Variants in ZNF608 observed in about 807,000 individuals in gnomAD.
ZNF608 encodes zinc finger protein 608.
ZNF608 carries 12 observed loss-of-function variants against 109.0 expected under a neutral mutation model. The observed-to-expected ratio is 0.11, with a 90% CI of 0.07 to 0.18. The LOEUF (loss-of-function observed/expected upper bound fraction) is 0.18. ZNF608 is among the 10% of genes least tolerant of loss of function. The pLI is 1.00. For missense variants in ZNF608, 1,707 were observed against 1,879.3 expected, an observed-to-expected ratio of 0.91 and a Z score of 1.70; for synonymous variants, 732 against 717.4, an observed-to-expected ratio of 1.02 and a Z score of -0.33.
At chr5:124,728,414 AT>A in intron 2 of ZNF608, among the ~76,000 whole-genome samples, 1 of 152,186 alleles carries the variant, frequency 6.6e-6, no homozygotes, top group Non-Finnish European at 1.5e-5. Context: ...GGTGGCTGAC[AT>A]TTTGTTTATC....
intron 2 of ZNF608, among the ~76,000 whole-genome samples, chr5:124,730,724 TAG>T (rs1748856843): frequency 1.3e-5 from 2 of 152,214 alleles, no homozygotes; most frequent in South Asian, 4.1e-4. Flanking sequence ...TCCACGTCTG[TAG>T]TATACAGAAC....
chr5:124,720,806 C>CT (rs1302462329), intron 2 of ZNF608, among the ~76,000 whole-genome samples: 4 of 151,744 alleles, frequency 2.6e-5, no homozygotes, highest in Middle Eastern at 3.2e-3. Flanking sequence ...CCTGGGCTGG[C>CT]TTTTTTTTCC....
chr5:124,683,873 G>A (rs1368636590), intron 3 of ZNF608, among the ~76,000 whole-genome samples: 1 of 152,130 alleles, frequency 6.6e-6, no homozygotes, highest in East Asian at 1.9e-4. Flanking sequence ...TAGACCAGGG[G>A]TTCCAAAACC....
At position 124,637,826 on chromosome 5, in the gene ZNF608, C is replaced by T. The variant is rs962297116; in HGVS notation, c.*74G>A. The stretch of plus-strand genomic sequence containing the variant: ...GCCATTAAGGCATTTCAAATTAACA[C>T]CATGGAACTGATGTCTGTATAAAGC... On this transcript the variant is annotated 3_prime_UTR_variant, in exon 10 of 10. Transcript: ENST00000513986. 2.3e-5 allele frequency: 35 copies of T among 1,520,296 alleles called. No homozygotes were observed. Among genetic ancestry groups the T allele is most frequent in the Non-Finnish European group, 3.0e-5 (33 of 1,110,910 alleles). The allele number at this position is 1,520,296 out of a possible 1,614,324, so 94.2% of individuals were successfully genotyped here. A position where few individuals can be genotyped will look rare whatever the true frequency, so the allele number is the denominator to read the frequency against.
In ZNF608 at chr5:124,648,964, G is replaced by A; in HGVS notation, c.1420C>T (p.Leu474Phe). 4 of 1,614,060 alleles carry A rather than the reference G, an allele frequency of 2.5e-6. No homozygotes were observed. The highest frequency in any genetic ancestry group is 3.4e-6 in the Non-Finnish European group (4 of 1,180,004). ...GGTGTCCTTCGTCCGCTGGCATTGA[G>A]GCTGCCCCGCCTCCCTTTCCCATTG... ...GANGKGRRGS[L>F]NASGRRTPPN... is the part of the protein sequence containing the mutation. The change falls in exon 5 of 10, where the codon CTC (leucine) becomes TTC (phenylalanine). Residue 474 changes from leucine to phenylalanine, a missense_variant. Physicochemically the swap from Leu to Phe is conservative, Grantham distance 22. Around this residue, in one of 7 missense-constraint regions of ZNF608, gnomAD observed 166 missense variants for 204.2 expected, o/e 0.81. Transcript: ENST00000513986.
In ZNF608 at chr5:124,677,418, C is replaced by T. The variant is rs112223008; in HGVS notation, c.1162+23596G>A. 9.4e-3 allele frequency among the ~76,000 whole-genome samples: 1,424 copies of T among 152,288 alleles called. 34 individuals carry two copies. The highest frequency in any genetic ancestry group is 0.033 in the African/African-American group (1,359 of 41,538). ...AACTGAACACACAGTCTATGGTGTC[C>T]TGATCTGTTTGACATAGGACACAGC... On this transcript the variant is annotated intron_variant, in intron 3 of 9. Coordinates refer to ENST00000513986, the MANE Select transcript of ZNF608 (RefSeq NM_020747.3).
intron 2 of ZNF608, among the ~76,000 whole-genome samples, chr5:124,740,538 A>C (rs1468547306): frequency 6.6e-6 from 1 of 151,622 alleles, no homozygotes; most frequent in Non-Finnish European, 1.5e-5. Context: ...TAATGTCCAC[A>C]AAACTCATTA....
chr5:124,701,238 G>A lies in ZNF608; in HGVS notation c.938C>T (p.Pro313Leu), dbSNP rs758598122. 3.1e-6 allele frequency: 5 copies of A among 1,614,050 alleles called. No homozygotes were observed. The highest frequency in any genetic ancestry group is 2.7e-5 in the African/African-American group (2 of 74,906). The change falls in exon 3 of 10, where the codon CCA (proline) becomes CTA (leucine). Residue 313 changes from proline (P) to leucine (L), a missense_variant. This residue lies in a region of ZNF608 where 407 missense variants were observed against 398.7 expected (regional missense o/e 1.02). Transcript: ENST00000513986. ...CGTGAGACTGCTGGAAATCGGCGGT[G>A]GTGGCGCTGGCACTGTAAACAGGGG... ...VDPLFTVPAP[P>L]PPISSSLTPQ...
chr5:124,692,315 A>G (rs1752657398), intron 3 of ZNF608, among the ~76,000 whole-genome samples: 1 of 152,250 alleles, frequency 6.6e-6, no homozygotes, highest in Non-Finnish European at 1.5e-5. Flanking sequence ...TATCAAGACC[A>G]TATCACTTTG....
chr5:124,733,024 CTTCT>C (rs1748975061), intron 2 of ZNF608, among the ~76,000 whole-genome samples: 1 of 151,380 alleles, frequency 6.6e-6, no homozygotes, highest in Admixed American at 6.6e-5. Context: ...CTTCTTTTGC[CTTCT>C]TTGTGAAAAA....
chr5:124,668,021 A>G (rs1316619926), intron 3 of ZNF608, among the ~76,000 whole-genome samples: 1 of 151,778 alleles, frequency 6.6e-6, no homozygotes, highest in African/African-American at 2.4e-5. Context: ...GCTTCACCAT[A>G]TCACATCTAG....
At chr5:124,659,697 A>G (rs1035403576) in intron 3 of ZNF608, among the ~76,000 whole-genome samples, 3 of 152,206 alleles carry the variant, frequency 2.0e-5, no homozygotes, top group African/African-American at 7.2e-5. Flanking sequence ...TTTAAATGCC[A>G]TTGAATTGCT....
At chr5:124,669,592 C>T (rs377471782) in intron 3 of ZNF608, among the ~76,000 whole-genome samples, 15 of 151,934 alleles carry the variant, frequency 9.9e-5, no homozygotes, top group South Asian at 4.2e-4. Flanking sequence ...GGAACTATAG[C>T]GTAGGTTTCA....
intron 2 of ZNF608, among the ~76,000 whole-genome samples, chr5:124,716,097 C>G (rs1262504284): frequency 3.5e-5 from 5 of 143,696 alleles, no homozygotes; most frequent in African/African-American, 1.3e-4. Flanking sequence ...GAGCCGAGAT[C>G]GCGCCACTGC....
intron 2 of ZNF608, among the ~76,000 whole-genome samples, chr5:124,726,565 C>T (rs546310436): frequency 1.5e-4 from 23 of 152,060 alleles, no homozygotes; most frequent in African/African-American, 5.5e-4. Flanking sequence ...CTTCTCTCAC[C>T]AGGACCACTG....
At chr5:124,710,887 T>C (rs987966938) in intron 2 of ZNF608, 1 of 152,262 alleles carries the variant, frequency 6.6e-6, no homozygotes, top group Non-Finnish European at 1.5e-5. Flanking sequence ...CCATATGTAA[T>C]ACTTAGCTAC....
chr5:124,707,886 T>C (rs1753325082), intron 2 of ZNF608: 1 of 152,248 alleles, frequency 6.6e-6, no homozygotes, highest in African/African-American at 2.4e-5. Flanking sequence ...TTTGGTCACT[T>C]CTAATTCTGC....
chr5:124,727,623 T>C (rs1203383594), intron 2 of ZNF608, among the ~76,000 whole-genome samples: 2 of 49,388 alleles, frequency 4.0e-5, no homozygotes, highest in African/African-American at 8.4e-5. Context: ...TTCTTAGTTA[T>C]AAAAGTCCCT....
At chr5:124,678,137 T>A (rs1203571192) in intron 3 of ZNF608, among the ~76,000 whole-genome samples, 1 of 152,160 alleles carries the variant, frequency 6.6e-6, no homozygotes, top group South Asian at 2.1e-4. Context: ...TAAAGTTCAA[T>A]TAGAGAGTTC....
Sources: allele counts gnomAD v4.1 joint callset (sites outside exome capture counted in the v4.1 genomes callset), GRCh38; gene constraint gnomAD v4.1.1; regional missense constraint gnomAD v4.1.1; transcripts MANE v1.5; gene names NCBI Gene and HGNC (gene_info 2026-07-23, HGNC 2026-07-21).